Variants in ENOSF1 observed in about 807,000 individuals in gnomAD.
ENOSF1 encodes the protein mitochondrial enolase superfamily member 1.
In ENOSF1, 73 loss-of-function variants were observed where a neutral mutation model predicts 68.2. The ratio of observed to expected loss-of-function variants is 1.07; its 90% CI spans 0.89 to 1.30. ENOSF1 has a LOEUF of 1.30. ENOSF1 is among the 50% of genes most tolerant of loss of function. The pLI, the probability that ENOSF1 is intolerant of heterozygous loss-of-function variation, is 0.00. For missense variants in ENOSF1, 589 were observed against 554.5 expected (o/e 1.06, Z -0.62); for synonymous variants, 223 against 210.4 (o/e 1.06, Z -0.52).
rs1361462110 is a variant in ENOSF1 at position 677,364 on chromosome 18, A to G, written c.1129T>C (p.Ser377Pro). 1 of 1,613,728 alleles carries G rather than the reference A, an allele frequency of 6.2e-7. No homozygotes were observed. The highest frequency in any genetic ancestry group is 8.5e-7 in the Non-Finnish European group (1 of 1,179,924). The change falls in exon 14 of 16, where the codon TCT becomes CCT. Residue 377 changes from serine (S) to proline (P), a missense_variant. By Grantham distance (74) the Ser-to-Pro change is moderately conservative. Coordinates refer to ENST00000647584, the MANE Select transcript of ENOSF1 (RefSeq NM_017512.7). ...HLIIFDYISV[S>P]ASLENRVCEY... The stretch of plus-strand genomic sequence containing the variant: ...ACTGACCTATTTTCAAGGCTTGCAG[A>G]AACTGATATGTAGTCAAATATAATC...
intron 10 of ENOSF1, among the ~76,000 whole-genome samples, chr18:684,237 C>T (rs1436150469): frequency 5.3e-5 from 8 of 151,926 alleles, no homozygotes; most frequent in South Asian, 4.2e-4. Context: ...CCTTGTGATC[C>T]GCCCGCCTCG....
In ENOSF1 at chr18:697,303, C is replaced by T; in HGVS notation, c.246G>A (p.Lys82=). 1 of 1,613,992 alleles carries T rather than the reference C, an allele frequency of 6.2e-7. No homozygotes were observed. Among genetic ancestry groups the T allele is most frequent in the African/African-American group, 1.3e-5 (1 of 75,020 alleles). The change falls in exon 3 of 16, where the codon AAG becomes AAA. Residue 82 remains lysine (K), a synonymous_variant. Coordinates refer to ENST00000647584, the MANE Select transcript of ENOSF1 (RefSeq NM_017512.7). ...AGCCTCTGAAGTCACCAACAATGTC[C>T]TTGAGGTCCTTGTTGAGCACATGGT... ...LAHHVLNKDL[K]DIVGDFRGFY...
At chr18:702,715 G>C (rs2078493277) in intron 2 of ENOSF1, among the ~76,000 whole-genome samples, 1 of 151,930 alleles carries the variant, frequency 6.6e-6, no homozygotes, top group African/African-American at 2.4e-5. Flanking sequence ...CTCCAGCCTG[G>C]GTGACAGAGC....
At chr18:669,215 CT>C, downstream of ENOSF1, 1 of 1,562,446 alleles carries the variant, frequency 6.4e-7, no homozygotes. Context: ...TAACCATACT[CT>C]TAGAGGGAAG....
the ENOSF1 span, among the ~76,000 whole-genome samples, chr18:664,541 C>T: frequency 1.1e-4 from 15 of 136,800 alleles, no homozygotes; most frequent in East Asian, 1.9e-3. Context: ...CTGGCCAGAA[C>T]TTCCAACACT....
At chr18:666,257 AAGTT>A (rs1477249389), downstream of ENOSF1, among the ~76,000 whole-genome samples, 6 of 151,334 alleles carry the variant, frequency 4.0e-5, no homozygotes, top group East Asian at 9.8e-4. Flanking sequence ...GGGGAATGGG[AAGTT>A]CATCGGTGGG....
intron 15 of ENOSF1, among the ~76,000 whole-genome samples, chr18:674,878 C>T (rs528018193): frequency 2.2e-4 from 34 of 152,288 alleles, no homozygotes; most frequent in African/African-American, 8.2e-4. Context: ...GGCAGAGGAA[C>T]ATATTTTACT....
chr18:702,257 T>A (rs2078436501), intron 2 of ENOSF1, among the ~76,000 whole-genome samples: 6 of 55,596 alleles, frequency 1.1e-4, no homozygotes, highest in South Asian at 8.8e-4. Flanking sequence ...AGAGCGAAAC[T>A]ACATCTCAAA....
chr18:682,411 A>G lies in ENOSF1; in HGVS notation c.876+835T>C, dbSNP rs139760964. ...AGGTAATGCGTTGCACCACATTACA[A>G]TCTCTACAACGTCACTGGGCAATGA... On this transcript the variant is annotated intron_variant, in intron 11 of 15. Coordinates refer to ENST00000647584, the MANE Select transcript of ENOSF1 (RefSeq NM_017512.7). 7.2e-5 allele frequency among the ~76,000 whole-genome samples: 11 copies of G among 152,334 alleles called. No individual in the cohort carries two copies. The East Asian group carries it at 2.1e-3, about 29-fold the overall frequency.
chr18:667,617 G>GGCGATGGCGATGGCGATGGCGATGGAGAT (rs201838394), downstream of ENOSF1: 1 of 46,618 alleles, frequency 2.1e-5, no homozygotes, highest in African/African-American at 1.4e-4. Context: ...TGATGGAGAT[G>GGCGATGGCGATGGCGATGGCGATGGAGAT]GGTGATGGTG....
chr18:695,982 G>C (rs952865623), intron 3 of ENOSF1, among the ~76,000 whole-genome samples: 1 of 152,062 alleles, frequency 6.6e-6, no homozygotes, highest in African/African-American at 2.4e-5. Flanking sequence ...GACTAAGCCG[G>C]GTTAGGAAAA....
chr18:669,525 A>AC (rs1182568232), downstream of ENOSF1: 1 of 197,996 alleles, frequency 5.1e-6, no homozygotes, highest in Non-Finnish European at 1.0e-5. Flanking sequence ...GGCATGTGCC[A>AC]CCATGCCCGG....
chr18:702,264 C>CAAAAA (rs71174275), intron 2 of ENOSF1, among the ~76,000 whole-genome samples: 1 of 65,778 alleles, frequency 1.5e-5, no homozygotes. Context: ...AACTACATCT[C>CAAAAA]AAAAAAAAAA....
intron 1 of ENOSF1, among the ~76,000 whole-genome samples, chr18:709,719 T>C (rs570955418): frequency 2.0e-5 from 3 of 151,916 alleles, no homozygotes; most frequent in East Asian, 3.9e-4. Context: ...TGCAGTGAGA[T>C]GAGATTGCAC....
At position 688,588 on chromosome 18, in the gene ENOSF1, C is replaced by T. The variant is rs780644838; in HGVS notation, c.639G>A (p.Lys213=). 2.5e-6 allele frequency: 4 copies of T among 1,614,088 alleles called. No individual in the cohort carries two copies. Among genetic ancestry groups the T allele is most frequent in the Non-Finnish European group, 3.4e-6 (4 of 1,180,006 alleles). ...ATCACACTCACCTGGTCCAGCCATC[C>T]TTCAGCGCCTGGGCACAGAGCTGTG... ...TLKQLCAQAL[K]DGWTRFKVKV... Residue 213 remains lysine, a synonymous_variant, in exon 9 of 16, where the codon AAG becomes AAA. Coordinates refer to ENST00000647584, the MANE Select transcript of ENOSF1 (RefSeq NM_017512.7).
At position 672,907 on chromosome 18, in the gene ENOSF1, A is replaced by G. The variant is rs529995048; in HGVS notation, c.*1398T>C. The G allele has an allele frequency of 1.3e-6, 2 of 1,598,928 alleles. No homozygotes were observed. The highest frequency in any genetic ancestry group is 3.3e-5 in the Admixed American group (2 of 59,888). On this transcript the variant is annotated 3_prime_UTR_variant, in exon 16 of 16. Coordinates refer to ENST00000647584, the MANE Select transcript of ENOSF1 (RefSeq NM_017512.7). ...TCCCAAAGCTCAGGATTCTTCGAAA[A>G]GTTGAGAAAATTGATGACTTCAAAG...
At chr18:704,958 A>AGG (rs35313272) in intron 2 of ENOSF1, among the ~76,000 whole-genome samples, 1 of 136,536 alleles carries the variant, frequency 7.3e-6, no homozygotes, top group Non-Finnish European at 1.6e-5. Context: ...CAGCACTCAG[A>AGG]AGTCTGCAGA....
At position 684,054 on chromosome 18, in the gene ENOSF1, C is replaced by T. The variant is rs868677091; in HGVS notation, c.742-674G>A. ...TGTCACCAAGGCTGGAGTGCAGTGG[C>T]GCTATCTCGGCTCACTGCAACCTCT... On this transcript the variant is annotated intron_variant, in intron 10 of 15. Coordinates refer to ENST00000647584, the MANE Select transcript of ENOSF1 (RefSeq NM_017512.7). Among the ~76,000 whole-genome samples, 115 of 151,162 alleles carry T rather than the reference C, an allele frequency of 7.6e-4. No individual in the cohort carries two copies. The Middle Eastern group carries it at 0.01, about 14-fold the overall frequency.
intron 11 of ENOSF1, chr18:682,958 A>G (rs1034528579): frequency 1.6e-5 from 5 of 316,480 alleles, no homozygotes; most frequent in Admixed American, 1.4e-4. Flanking sequence ...CTGTATTTAC[A>G]AAGCATAGGA....
Sources: allele counts gnomAD v4.1 joint callset (sites outside exome capture counted in the v4.1 genomes callset), GRCh38; gene constraint gnomAD v4.1.1; transcripts MANE v1.5; gene names NCBI Gene and HGNC (gene_info 2026-07-23, HGNC 2026-07-21).